The following AGBL1 variants were observed in gnomAD, a reference collection of about 807,000 sequenced individuals.
AGBL1 encodes AGBL carboxypeptidase 1.
Under a neutral mutation model 118.9 loss-of-function variants are expected in AGBL1, and 130 were observed. That is an observed-to-expected ratio of 1.09 (90% confidence interval 0.95 to 1.26). AGBL1 has a LOEUF of 1.26. Ranked by LOEUF, AGBL1 falls within the 50% of genes most tolerant of loss-of-function variation. AGBL1 has a pLI of 0.00. For missense variants in AGBL1, 1,584 were observed against 1,298.1 expected (o/e 1.22, Z -3.38); for synonymous variants, 555 against 478.9 (o/e 1.16, Z -2.08).
chr15:86,853,886 G>GT, intron 22 of AGBL1, among the ~76,000 whole-genome samples: 1 of 151,940 alleles, frequency 6.6e-6, no homozygotes, highest in East Asian at 1.9e-4. Flanking sequence ...GGGTCTCCGT[G>GT]TTTTTTTAAT....
chr15:86,368,270 C>T (rs2080921164), intron 17 of AGBL1, among the ~76,000 whole-genome samples: 1 of 151,914 alleles, frequency 6.6e-6, no homozygotes, highest in African/African-American at 2.4e-5. Context: ...GTACGATATT[C>T]ACAGACGGAG....
intron 22 of AGBL1, among the ~76,000 whole-genome samples, chr15:86,683,221 A>G (rs922334301): frequency 3.9e-5 from 6 of 152,124 alleles, no homozygotes; most frequent in African/African-American, 1.4e-4. Context: ...TGTATTGGGT[A>G]CATGTATATC....
At chr15:86,689,687 T>C (rs1198857167) in intron 22 of AGBL1, among the ~76,000 whole-genome samples, 1 of 152,228 alleles carries the variant, frequency 6.6e-6, no homozygotes, top group East Asian at 1.9e-4. Flanking sequence ...TAGAGAACTT[T>C]TATGTATTAA....
intron 22 of AGBL1, among the ~76,000 whole-genome samples, chr15:86,859,798 T>G (rs2141477488): frequency 6.6e-6 from 1 of 152,274 alleles, no homozygotes; most frequent in Admixed American, 6.5e-5. Flanking sequence ...CTCAACACCT[T>G]GGTATTCTAG....
intron 6 of AGBL1, among the ~76,000 whole-genome samples, chr15:86,236,952 C>CGGGGT (rs2078559464): frequency 1.1e-3 from 11 of 10,314 alleles, no homozygotes; most frequent in Admixed American, 1.9e-3. Context: ...CGGGGGGGGG[C>CGGGGT]GGGGGGGCGC....
At chr15:86,359,583 A>T (rs934303773) in intron 17 of AGBL1, among the ~76,000 whole-genome samples, 8 of 151,428 alleles carry the variant, frequency 5.3e-5, no homozygotes, top group African/African-American at 1.9e-4. Context: ...TTTGTAAAAA[A>T]TGTCATTGGG....
At chr15:86,828,914 G>GTATATATATATATATA (rs3059643) in intron 22 of AGBL1, among the ~76,000 whole-genome samples, 103 of 141,846 alleles carry the variant, frequency 7.3e-4, no homozygotes, top group African/African-American at 2.1e-3. Flanking sequence ...AAGTTCAAAA[G>GTATATATATATATATA]TATATATATA....
chr15:86,358,071 A>G (rs1439542692), intron 17 of AGBL1, among the ~76,000 whole-genome samples: 1 of 152,146 alleles, frequency 6.6e-6, no homozygotes, highest in East Asian at 1.9e-4. Flanking sequence ...AATTTCAAGT[A>G]TGTATTAATA....
chr15:86,880,946 G>A (rs747729226), intron 22 of AGBL1, among the ~76,000 whole-genome samples: 61 of 152,120 alleles, frequency 4.0e-4, no homozygotes, highest in Non-Finnish European at 1.5e-4. Flanking sequence ...AGGGCCAGGG[G>A]AGGGGGCGTC....
At chr15:86,176,655 T>C (rs1597496921) in intron 5 of AGBL1, among the ~76,000 whole-genome samples, 1 of 152,172 alleles carries the variant, frequency 6.6e-6, no homozygotes, top group Non-Finnish European at 1.5e-5. Context: ...TCAGGGGCTG[T>C]TGGGCCCCAG....
chr15:86,446,412 G>A (rs1275545517), intron 18 of AGBL1, among the ~76,000 whole-genome samples: 1 of 152,180 alleles, frequency 6.6e-6, no homozygotes, highest in African/African-American at 2.4e-5. Context: ...CATTGGCATA[G>A]CAAGCTGTAT....
intron 21 of AGBL1, among the ~76,000 whole-genome samples, chr15:86,599,877 T>C (rs2084467707): frequency 6.6e-6 from 1 of 152,246 alleles, no homozygotes; most frequent in East Asian, 1.9e-4. Context: ...TTACATATCA[T>C]AATTAGGGCT....
intron 16 of AGBL1, among the ~76,000 whole-genome samples, chr15:86,283,990 CAAA>C (rs1567177170): frequency 6.6e-6 from 1 of 151,580 alleles, no homozygotes; most frequent in African/African-American, 2.4e-5. Context: ...AAATTGGAAA[CAAA>C]AAAGCAGTGA....
chr15:86,840,533 C>T (rs2079230307), intron 22 of AGBL1, among the ~76,000 whole-genome samples: 1 of 152,134 alleles, frequency 6.6e-6, no homozygotes, highest in African/African-American at 2.4e-5. Flanking sequence ...GCAACCTCCG[C>T]CTCCGTGGTT....
intron 19 of AGBL1, among the ~76,000 whole-genome samples, chr15:86,542,471 A>G (rs1250626376): frequency 6.6e-6 from 1 of 150,818 alleles, no homozygotes; most frequent in African/African-American, 2.5e-5. Context: ...GGTTCAAGCA[A>G]TTCTCCTGCC....
chr15:86,443,125 G>A (rs992937395), intron 18 of AGBL1, among the ~76,000 whole-genome samples: 3 of 152,092 alleles, frequency 2.0e-5, no homozygotes, highest in Non-Finnish European at 2.9e-5. Context: ...TCACTGAGCC[G>A]GAGAAACCTA....
At chr15:86,896,831 CAT>C (rs759569573) in intron 22 of AGBL1, among the ~76,000 whole-genome samples, 4 of 152,018 alleles carry the variant, frequency 2.6e-5, no homozygotes, top group Non-Finnish European at 5.9e-5. Context: ...TTTATTATAA[CAT>C]AGTTCTGTGC....
chr15:86,628,189 G>T (rs547628035), intron 21 of AGBL1, among the ~76,000 whole-genome samples: 1 of 152,144 alleles, frequency 6.6e-6, no homozygotes, highest in Non-Finnish European at 1.5e-5. Flanking sequence ...TAGAGTTTTC[G>T]ATTTGTAATA....
At chr15:86,711,494 C>G (rs958310374) in intron 22 of AGBL1, among the ~76,000 whole-genome samples, 1 of 152,124 alleles carries the variant, frequency 6.6e-6, no homozygotes, top group African/African-American at 2.4e-5. Flanking sequence ...GTCACTGCCT[C>G]CTCTTATAGG....
Sources: allele counts gnomAD v4.1 joint callset (sites outside exome capture counted in the v4.1 genomes callset), GRCh38; gene constraint gnomAD v4.1.1; transcripts MANE v1.5; gene names NCBI Gene and HGNC (gene_info 2026-07-23, HGNC 2026-07-21).